PCDHA8: variants seen among roughly 807,000 people sequenced by gnomAD.
PCDHA8 encodes the protein protocadherin alpha 8, also known as protocadherin alpha-8.
Under a neutral mutation model 61.8 loss-of-function variants are expected in PCDHA8, and 53 were observed. That is an observed-to-expected ratio of 0.86 (90% CI 0.69 to 1.08). The LOEUF is 1.08. PCDHA8 is among the 50% of genes least tolerant of loss of function. PCDHA8 has a pLI of 0.00. For missense variants in PCDHA8, 1,293 were observed against 1,245.0 expected (o/e 1.04, Z -0.58); for synonymous variants, 618 against 556.6 (o/e 1.11, Z -1.55).
intron 1 of PCDHA8, among the ~76,000 whole-genome samples, chr5:140,911,032 A>G (rs2075293448): frequency 6.6e-6 from 1 of 152,092 alleles, no homozygotes; most frequent in African/African-American, 2.4e-5. Flanking sequence ...TTATAGGTCT[A>G]GAAGCAAACA....
chr5:140,923,139 A>G (rs1213586565), intron 1 of PCDHA8, among the ~76,000 whole-genome samples: 3 of 152,188 alleles, frequency 2.0e-5, no homozygotes, highest in Non-Finnish European at 2.9e-5. Context: ...TGAAGGTGGA[A>G]TATAAAAAAA....
At chr5:140,860,167 A>G (rs924380316) in intron 1 of PCDHA8, 2 of 149,440 alleles carry the variant, frequency 1.3e-5, no homozygotes, top group Non-Finnish European at 3.0e-5. Flanking sequence ...ATATATATGT[A>G]TATATATATG....
intron 1 of PCDHA8, chr5:140,877,261 G>T: frequency 6.2e-7 from 1 of 1,613,814 alleles, no homozygotes; most frequent in South Asian, 1.1e-5. Context: ...AGTGCGCGCG[G>T]TGGACGCTGA....
chr5:140,913,167 T>C (rs1232000053), intron 1 of PCDHA8, among the ~76,000 whole-genome samples: 1 of 152,196 alleles, frequency 6.6e-6, no homozygotes, highest in Non-Finnish European at 1.5e-5. Flanking sequence ...TTGGTATTAG[T>C]TCTTCTTTAA....
At chr5:141,001,978 A>G (rs1331599524) in intron 3 of PCDHA8, among the ~76,000 whole-genome samples, 1 of 152,166 alleles carries the variant, frequency 6.6e-6, no homozygotes, top group Non-Finnish European at 1.5e-5. Context: ...TCTGCGCGGA[A>G]AGCCTGGAAG....
intron 1 of PCDHA8, chr5:140,928,272 TG>T (rs781906023): frequency 6.2e-7 from 1 of 1,614,156 alleles, no homozygotes; most frequent in Non-Finnish European, 8.5e-7. Context: ...ACAATGGCCC[TG>T]GGGCCTCTCT....
chr5:140,869,518 A>C, intron 1 of PCDHA8: 1 of 1,614,170 alleles, frequency 6.2e-7, no homozygotes, highest in East Asian at 2.2e-5. Flanking sequence ...CAGAGAACAA[A>C]AGCTGCTGAT....
At chr5:140,938,055 T>C (rs1475337267) in intron 1 of PCDHA8, among the ~76,000 whole-genome samples, 1 of 152,232 alleles carries the variant, frequency 6.6e-6, no homozygotes, top group African/African-American at 2.4e-5. Flanking sequence ...TTTCTACATA[T>C]ACTGTCATGC....
Position 140,841,561 on chromosome 5 carries a change from G to T in PCDHA8, c.240G>T (p.Gln80His), listed in dbSNP as rs2150318242. Residue 80 changes from glutamine to histidine, a missense_variant, in exon 1 of 4, where the codon CAG (glutamine) becomes CAT (histidine). Coordinates refer to ENST00000531613, the MANE Select transcript of PCDHA8 (RefSeq NM_018911.3). ...GGGACCTTCTGGAGGTAAGTCTGCA[G>T]AATGGCATTTTGTTTGTGAATTCTC... ...RHRDLLEVSL[Q>H]NGILFVNSRI... 8.1e-6 allele frequency: 13 copies of T among 1,613,932 alleles called. No homozygotes were observed. The highest frequency in any genetic ancestry group is 1.1e-5 in the Non-Finnish European group (13 of 1,179,992).
chr5:140,861,028 C>G (rs954598633), intron 1 of PCDHA8: 1 of 152,238 alleles, frequency 6.6e-6, no homozygotes, highest in African/African-American at 2.4e-5. Context: ...CGCACCCGGC[C>G]GAAAGGTATT....
chr5:140,848,400 G>T, intron 1 of PCDHA8: 1 of 1,298,514 alleles, frequency 7.7e-7, no homozygotes. Context: ...TGTGCTGAAC[G>T]ATGGCGAACA....
At chr5:140,872,054 C>T (rs970445290) in intron 1 of PCDHA8, among the ~76,000 whole-genome samples, 2 of 152,238 alleles carry the variant, frequency 1.3e-5, no homozygotes, top group East Asian at 3.8e-4. Flanking sequence ...CCCACTTCAG[C>T]CTCCAGAGTA....
intron 1 of PCDHA8, among the ~76,000 whole-genome samples, chr5:140,947,597 G>A (rs1231530518): frequency 1.3e-5 from 2 of 151,586 alleles, no homozygotes; most frequent in African/African-American, 4.8e-5. Context: ...TCAATTTAGG[G>A]AAGATTTGGT....
In PCDHA8 at chr5:140,842,887, G is replaced by T; in HGVS notation, c.1566G>T (p.Pro522=). Residue 522 remains proline, a synonymous_variant, in exon 1 of 4, where the codon CCG becomes CCT. Coordinates refer to ENST00000531613, the MANE Select transcript of PCDHA8 (RefSeq NM_018911.3). ...GCGGCAAGGTGTACGCGCTGCAGCC[G>T]CTGGACCACGAGGAGCTAGAGCTGC... The part of the protein sequence containing the change: ...TESGKVYALQ[P]LDHEELELLQ... The T allele has an allele frequency of 7.5e-6, 12 of 1,594,194 alleles. 3 individuals are homozygous for T. The highest frequency in any genetic ancestry group is 1.1e-5 in the South Asian group (1 of 90,454).
intron 1 of PCDHA8, chr5:140,926,768 C>T: frequency 2.2e-6 from 3 of 1,361,764 alleles, no homozygotes; most frequent in Non-Finnish European, 2.9e-6. Context: ...GTATCCAGCC[C>T]GCAGCAGTGA....
intron 1 of PCDHA8, chr5:140,926,610 C>A (rs2083401767): frequency 8.5e-6 from 3 of 352,484 alleles, no homozygotes; most frequent in African/African-American, 2.1e-5. Context: ...CTCGTCTCTG[C>A]ACCCCTAGGC....
chr5:140,841,587 G>A lies in PCDHA8; in HGVS notation c.266G>A (p.Arg89Gln). Residue 89 changes from arginine to glutamine, a missense_variant, in exon 1 of 4, where the codon CGG becomes CAG. Arg to Gln is a conservative substitution (Grantham distance 43). Coordinates refer to ENST00000531613, the MANE Select transcript of PCDHA8 (RefSeq NM_018911.3). ...LQNGILFVNS[R>Q]IDREELCGRS... Reference sequence around the variant, plus strand: ...AATGGCATTTTGTTTGTGAATTCTCGGATCGACCGCGAGGAGCTGTGCGGG... The same window carrying A: ...AATGGCATTTTGTTTGTGAATTCTCAGATCGACCGCGAGGAGCTGTGCGGG... 1 of 1,614,074 alleles carries A rather than the reference G, an allele frequency of 6.2e-7. No individual in the cohort carries two copies. The highest frequency in any genetic ancestry group is 1.7e-4 in the Middle Eastern group (1 of 6,022).
chr5:141,001,017 A>G (rs1414857051), intron 3 of PCDHA8, among the ~76,000 whole-genome samples: 2 of 152,240 alleles, frequency 1.3e-5, no homozygotes, highest in Admixed American at 1.3e-4. Flanking sequence ...TTAGATATAC[A>G]CTTATAATAA....
In PCDHA8 at chr5:140,977,999, G is replaced by A. The variant is rs1185111218; in HGVS notation, c.2395-950G>A. Among the ~76,000 whole-genome samples the A allele has an allele frequency of 1.3e-5, 2 of 152,132 alleles. 1 individual carries two copies. The highest frequency in any genetic ancestry group is 4.8e-5 in the African/African-American group (2 of 41,406). ...AAACGCATCTAGAGGAGTGTCACAA[G>A]TTTTTCACAGTGACATTTTTGCTTA... On this transcript the variant is annotated intron_variant, in intron 1 of 3. Coordinates refer to ENST00000531613, the MANE Select transcript of PCDHA8 (RefSeq NM_018911.3).
Sources: gnomAD v4.1 joint callset for allele counts (sites outside exome capture counted in the v4.1 genomes callset) on GRCh38, gnomAD v4.1.1 for gene constraint, MANE v1.5 for transcripts, NCBI Gene and HGNC (gene_info 2026-07-23, HGNC 2026-07-21) for gene names.